Variants in DNAI7 observed in about 807,000 individuals in gnomAD.
DNAI7 encodes the protein dynein axonemal intermediate chain 7, also known as cancer susceptibility 1.
In DNAI7, 78 loss-of-function variants were observed where a neutral mutation model predicts 86.6. That is an observed-to-expected ratio of 0.90 (90% CI 0.75 to 1.09). The LOEUF (loss-of-function observed/expected upper bound fraction) is 1.09, where lower values mean the gene tolerates loss of function less well. DNAI7 is among the 50% of genes least tolerant of loss of function. The probability of loss-of-function intolerance (pLI) is 0.00; values close to 1 mark genes in which losing one functional copy is unlikely to be tolerated. For synonymous variants in DNAI7, 274 were observed against 273.0 expected, an observed-to-expected ratio of 1.00 and a Z score of -0.04; for missense variants, 753 against 810.2, an observed-to-expected ratio of 0.93 and a Z score of 0.86.
intron 9 of DNAI7, among the ~76,000 whole-genome samples, chr12:25,129,618 A>G (rs1942604902): frequency 6.6e-6 from 1 of 152,172 alleles, no homozygotes; most frequent in Non-Finnish European, 1.5e-5. Flanking sequence ...ATGTCTCCAT[A>G]CTTTTCCCTC....
chr12:25,130,090 A>G (rs1458153228), intron 9 of DNAI7, among the ~76,000 whole-genome samples: 2 of 152,004 alleles, frequency 1.3e-5, no homozygotes, highest in Non-Finnish European at 2.9e-5. Context: ...CCCATGTAGA[A>G]TCTCTCTCAT....
intron 2 of DNAI7, among the ~76,000 whole-genome samples, chr12:25,174,224 G>A (rs974397477): frequency 8.5e-6 from 1 of 118,234 alleles, no homozygotes; most frequent in Non-Finnish European, 1.8e-5. Flanking sequence ...TTTCTCTCAC[G>A]TTGTGGGTTG....
chr12:25,117,078 C>T (rs574542213), intron 12 of DNAI7, among the ~76,000 whole-genome samples: 5 of 152,030 alleles, frequency 3.3e-5, no homozygotes, highest in African/African-American at 9.6e-5. Flanking sequence ...GGACTACAGG[C>T]ATATGCCACC....
At chr12:25,109,213 C>T (rs895865605) in intron 15 of DNAI7, among the ~76,000 whole-genome samples, 1 of 152,188 alleles carries the variant, frequency 6.6e-6, no homozygotes, top group Non-Finnish European at 1.5e-5. Flanking sequence ...ACACAATAAA[C>T]AAGAGCAATA....
At chr12:25,130,265 C>T (rs1441137816) in intron 9 of DNAI7, among the ~76,000 whole-genome samples, 8 of 152,050 alleles carry the variant, frequency 5.3e-5, no homozygotes, top group Non-Finnish European at 8.8e-5. Context: ...GGGCCGGGCG[C>T]GGTGGCTCAC....
chr12:25,115,097 TG>T (rs1340670377), intron 12 of DNAI7, among the ~76,000 whole-genome samples: 1 of 152,222 alleles, frequency 6.6e-6, no homozygotes, highest in African/African-American at 2.4e-5. Context: ...CTCACTTTCT[TG>T]GCTCCATCCC....
chr12:25,149,690 T>G lies in DNAI7; in HGVS notation c.523A>C (p.Ile175Leu), dbSNP rs1282736092. 2 of 1,597,656 alleles carry G rather than the reference T, an allele frequency of 1.3e-6. No individual in the cohort carries two copies. The highest frequency in any genetic ancestry group is 1.7e-6 in the Non-Finnish European group (2 of 1,166,586). ...TGAAGGAGCTCCTGCAGTTGTAGTA[T>G]TGATTCTTGGTACTGTATTATATTT... ...DKNIIQYQES[I>L]LQLQELLHLK... The change falls in exon 7 of 16, where the codon ATA (isoleucine) becomes CTA (leucine). Residue 175 changes from isoleucine (I) to leucine (L), a missense_variant. Ile to Leu is a conservative substitution (Grantham distance 5). Transcript: ENST00000395987.
intron 2 of DNAI7, among the ~76,000 whole-genome samples, chr12:25,169,944 C>T (rs887507796): frequency 2.0e-5 from 3 of 151,680 alleles, no homozygotes; most frequent in African/African-American, 7.3e-5. Flanking sequence ...TCATCTAACA[C>T]ATAAGGACTC....
chr12:25,110,287 A>C, intron 14 of DNAI7, 47 bp from the exon 15 acceptor site: 2 of 1,094,744 alleles, frequency 1.8e-6, no homozygotes, highest in Non-Finnish European at 2.8e-6. Context: ...CCTCCCAACA[A>C]GTCTTCCTCC....
chr12:25,131,440 C>T (rs975752288), intron 9 of DNAI7, among the ~76,000 whole-genome samples: 3 of 152,096 alleles, frequency 2.0e-5, no homozygotes, highest in African/African-American at 7.2e-5. Context: ...AATATTGCTT[C>T]ACACACACAC....
At chr12:25,167,019 C>A (rs1592575666) in intron 2 of DNAI7, among the ~76,000 whole-genome samples, 1 of 152,274 alleles carries the variant, frequency 6.6e-6, no homozygotes, top group East Asian at 1.9e-4. Flanking sequence ...ATTCCAGATA[C>A]CACACCTGAC....
intron 2 of DNAI7, among the ~76,000 whole-genome samples, chr12:25,187,138 C>T (rs1346611582): frequency 6.6e-6 from 1 of 152,176 alleles, no homozygotes; most frequent in African/African-American, 2.4e-5. Flanking sequence ...GCTTACTTGG[C>T]CATGAACTAC....
rs180774023 is a variant in DNAI7, at chr12:25,176,875, A to C, written c.21+13739T>G. Among the ~76,000 whole-genome samples, 7 of 150,394 alleles carry C rather than the reference A, an allele frequency of 4.7e-5. No individual in the cohort carries two copies. The East Asian group carries it at 1.2e-3, about 25-fold the overall frequency. ...TTAATTGTGACAAAGTATACATAAC[A>C]TAAAATTTACCATTTTAACCATTTT... On this transcript the variant is annotated intron_variant, in intron 2 of 15. Transcript: ENST00000395987.
chr12:25,125,160 G>C (rs1359426362), intron 9 of DNAI7, among the ~76,000 whole-genome samples: 3 of 152,148 alleles, frequency 2.0e-5, no homozygotes, highest in African/African-American at 7.2e-5. Context: ...GGGTGAAATG[G>C]TAATTCTGCT....
chr12:25,156,484 G>T (rs1253342252), intron 4 of DNAI7, among the ~76,000 whole-genome samples: 2 of 152,178 alleles, frequency 1.3e-5, no homozygotes, highest in African/African-American at 4.8e-5. Flanking sequence ...GCCTGGCGTG[G>T]TGGCTCACAT....
chr12:25,117,811 AT>A (rs1311455253), intron 12 of DNAI7, among the ~76,000 whole-genome samples: 4 of 152,174 alleles, frequency 2.6e-5, no homozygotes, highest in Non-Finnish European at 5.9e-5. Context: ...CTTGTGTACA[AT>A]TTATAAACGA....
intron 2 of DNAI7, among the ~76,000 whole-genome samples, chr12:25,176,208 C>T (rs1488934347): frequency 6.6e-6 from 1 of 152,168 alleles, no homozygotes; most frequent in Non-Finnish European, 1.5e-5. Flanking sequence ...TTCCACGCCA[C>T]TTCCCTCACA....
Position 25,162,248 on chromosome 12 carries a change from T to C in DNAI7, c.22-1051A>G, listed in dbSNP as rs990332148. On this transcript the variant is annotated intron_variant, in intron 2 of 15. Transcript: ENST00000395987. ...CTAACTTACTTAGTAATGATTAAAA[T>C]TGGAGGCAAGGAGAGGAAAGAGGAG... Among the ~76,000 whole-genome samples, 7 of 152,096 alleles carry C rather than the reference T, an allele frequency of 4.6e-5. No individual in the cohort carries two copies. The South Asian group carries it at 1.0e-3, about 23-fold the overall frequency.
At chr12:25,125,099 T>G (rs1260076440) in intron 9 of DNAI7, among the ~76,000 whole-genome samples, 1 of 152,206 alleles carries the variant, frequency 6.6e-6, no homozygotes, top group Non-Finnish European at 1.5e-5. Context: ...TGTGACTTTA[T>G]GGTAGAATGA....
Sources: allele counts gnomAD v4.1 joint callset (sites outside exome capture counted in the v4.1 genomes callset), GRCh38; gene constraint gnomAD v4.1.1; transcripts MANE v1.5; gene names NCBI Gene and HGNC (gene_info 2026-07-23, HGNC 2026-07-21).